TEK: variants seen among roughly 807,000 people sequenced by gnomAD.
TEK encodes the protein angiopoietin-1 receptor.
TEK carries 43 observed loss-of-function variants against 131.8 expected under a neutral mutation model. That is an observed-to-expected ratio of 0.33 (90% CI 0.26 to 0.42). The LOEUF is 0.42. Ranked by LOEUF, TEK falls within the 10% of genes least tolerant of loss-of-function variation. The pLI, the probability that TEK is intolerant of heterozygous loss-of-function variation, is 1.00. For missense variants in TEK, 1,162 were observed against 1,384.4 expected, an observed-to-expected ratio of 0.84 and a Z score of 2.55; for synonymous variants, 580 against 491.6, an observed-to-expected ratio of 1.18 and a Z score of -2.38.
intron 1 of TEK, among the ~76,000 whole-genome samples, chr9:27,122,888 C>T (rs919790140): frequency 6.6e-6 from 1 of 151,214 alleles, no homozygotes; most frequent in African/African-American, 2.4e-5. Flanking sequence ...CCTGTCTCTA[C>T]TAAAAATACA....
chr9:27,186,452 C>G (rs1824602755), intron 9 of TEK, among the ~76,000 whole-genome samples: 1 of 152,138 alleles, frequency 6.6e-6, no homozygotes, highest in East Asian at 1.9e-4. Context: ...TAGTTGCTAT[C>G]CTGTATTGTT....
At chr9:27,206,298 C>A (rs533564456) in intron 14 of TEK, among the ~76,000 whole-genome samples, 4 of 152,150 alleles carry the variant, frequency 2.6e-5, no homozygotes, top group Non-Finnish European at 5.9e-5. Flanking sequence ...GCAAGGATGG[C>A]AAACACATGG....
chr9:27,129,520 G>A (rs1315006344), intron 1 of TEK, among the ~76,000 whole-genome samples: 1 of 152,062 alleles, frequency 6.6e-6, no homozygotes, highest in Non-Finnish European at 1.5e-5. Context: ...CAAAAACCAG[G>A]TAGTTATCTA....
chr9:27,213,453 T>C (rs780056967), intron 17 of TEK, 31 bp from the exon 18 acceptor site: 18 of 1,559,766 alleles, frequency 1.2e-5, no homozygotes, highest in Non-Finnish European at 1.5e-5. Flanking sequence ...TTCATTAGGC[T>C]GAAAATACAT....
intron 21 of TEK, among the ~76,000 whole-genome samples, chr9:27,224,415 T>C (rs1333772284): frequency 6.6e-6 from 1 of 152,082 alleles, no homozygotes; most frequent in Non-Finnish European, 1.5e-5. Flanking sequence ...TCCACCATGA[T>C]CAAGTCTGCT....
chr9:27,128,870 A>T (rs922529438), intron 1 of TEK, among the ~76,000 whole-genome samples: 1 of 152,002 alleles, frequency 6.6e-6, no homozygotes, highest in African/African-American at 2.4e-5. Context: ...GCTTGAGGAG[A>T]TTTTGGGCTG....
chr9:27,185,026 A>G (rs1485390764), intron 8 of TEK, among the ~76,000 whole-genome samples: 1 of 145,648 alleles, frequency 6.9e-6, no homozygotes, highest in Non-Finnish European at 1.5e-5. Context: ...AAGGAACAAG[A>G]CTTTGTTGTC....
chr9:27,160,902 T>C (rs1823522240), intron 2 of TEK, among the ~76,000 whole-genome samples: 1 of 152,160 alleles, frequency 6.6e-6, no homozygotes, highest in Admixed American at 6.5e-5. Flanking sequence ...CTCTATTATT[T>C]TTCACATGTG....
rs553347465 is a variant in TEK, at chr9:27,124,500, C to T, written c.52+14858C>T. On this transcript the variant is annotated intron_variant, in intron 1 of 22. Transcript: ENST00000380036. ...CAAGTGGGGCTTCTTAAGGCCTTGG[C>T]TCAGAACTAGCATGTTGTCACACCC... Among the ~76,000 whole-genome samples the T allele has an allele frequency of 9.6e-4, 147 of 152,340 alleles. 1 individual carries two copies. The highest frequency in any genetic ancestry group is 3.4e-3 in the African/African-American group (142 of 41,582).
chr9:27,110,132 T>C (rs1821279601), intron 1 of TEK, among the ~76,000 whole-genome samples: 1 of 151,744 alleles, frequency 6.6e-6, no homozygotes, highest in African/African-American at 2.4e-5. Context: ...AAAGATTTTA[T>C]ATCTACATCC....
chr9:27,137,409 G>C (rs1587501614), intron 1 of TEK, among the ~76,000 whole-genome samples: 1 of 152,016 alleles, frequency 6.6e-6, no homozygotes, highest in African/African-American at 2.4e-5. Context: ...GTAAGGAGTA[G>C]TTTTCTTTTT....
chr9:27,152,657 G>A (rs1182550170), intron 1 of TEK, among the ~76,000 whole-genome samples: 2 of 151,606 alleles, frequency 1.3e-5, no homozygotes, highest in Non-Finnish European at 2.9e-5. Flanking sequence ...GTGAGGGTGT[G>A]GGTCTAGAGT....
chr9:27,111,766 A>T (rs1242570346), intron 1 of TEK, among the ~76,000 whole-genome samples: 1 of 152,140 alleles, frequency 6.6e-6, no homozygotes. Context: ...TGTTCTCTTT[A>T]AAAAGTTGTA....
At chr9:27,218,130 T>TTGAG (rs9298888) in intron 19 of TEK, among the ~76,000 whole-genome samples, 5 of 139,514 alleles carry the variant, frequency 3.6e-5, no homozygotes, top group Non-Finnish European at 7.7e-5. Context: ...GGCCAGACAG[T>TTGAG]GGCGGGGGTC....
rs146532479 is a variant in TEK, at chr9:27,130,971, A to C, written c.52+21329A>C. On this transcript the variant is annotated intron_variant, in intron 1 of 22. Transcript: ENST00000380036. ...GGAACAAGTAATTCACAAAAGGAGGAAATACAAATGGCTTATAAGCATGCG... is the reference window on the plus strand; with the variant it reads ...GGAACAAGTAATTCACAAAAGGAGGCAATACAAATGGCTTATAAGCATGCG... Among the ~76,000 whole-genome samples, 11 of 152,356 alleles carry C rather than the reference A, an allele frequency of 7.2e-5. No individual in the cohort carries two copies. The East Asian group carries it at 2.1e-3, about 29-fold the overall frequency.
intron 1 of TEK, among the ~76,000 whole-genome samples, chr9:27,113,315 G>A (rs1711779902): frequency 6.6e-6 from 1 of 152,148 alleles, no homozygotes; most frequent in African/African-American, 2.4e-5. Flanking sequence ...CTTGGGGCCT[G>A]GTGCTGTGGC....
At position 27,228,311 on chromosome 9, in the gene TEK, T is replaced by G. The variant is rs1219638387; in HGVS notation, c.3300+6T>G. On this transcript the variant is annotated splice_donor_region_variant and intron_variant, in intron 22 of 22. Transcript: ENST00000380036. ...GAATGTTAGAGGAGCGAAAGGTAAG[T>G]ATTAAAGTCAGGCAGGAGATCTTTA... 6.2e-7 allele frequency: 1 copy of G among 1,607,544 alleles called. No individual in the cohort carries two copies. Among genetic ancestry groups the G allele is most frequent in the Non-Finnish European group, 8.5e-7 (1 of 1,174,498 alleles).
intron 19 of TEK, among the ~76,000 whole-genome samples, chr9:27,217,993 C>G (rs539985296): frequency 5.9e-5 from 9 of 151,996 alleles, no homozygotes; most frequent in Non-Finnish European, 1.3e-4. Flanking sequence ...TTGTGTATTC[C>G]TCATGTGCTT....
At chr9:27,155,736 A>T (rs1823306726) in intron 1 of TEK, among the ~76,000 whole-genome samples, 1 of 152,032 alleles carries the variant, frequency 6.6e-6, no homozygotes, top group African/African-American at 2.4e-5. Flanking sequence ...TTTTTTCCCC[A>T]AAACATTGGG....
Sources: gnomAD v4.1 joint callset for allele counts (sites outside exome capture counted in the v4.1 genomes callset) on GRCh38, gnomAD v4.1.1 for gene constraint, MANE v1.5 for transcripts, NCBI Gene and HGNC (gene_info 2026-07-23, HGNC 2026-07-21) for gene names.